The following DRC11 variants were observed in gnomAD, a reference collection of about 807,000 sequenced individuals.
DRC11 encodes the protein dynein regulatory complex subunit 11, also known as IQ and AAA domain-containing protein 1.
the DRC11 span, among the ~76,000 whole-genome samples, chr2:236,492,551 A>G: frequency 6.6e-6 from 1 of 152,246 alleles, no homozygotes; most frequent in Non-Finnish European, 1.5e-5. Context: ...CCTGGCCTGC[A>G]GTTGCAGCCT....
chr2:236,465,642 C>A, the DRC11 span: 1 of 1,613,806 alleles, frequency 6.2e-7, no homozygotes, highest in Non-Finnish European at 8.5e-7. This position sits in a 1 kb window ranked among gnomAD's most constrained non-coding sequence, Gnocchi z 6.2. Flanking sequence ...GCACCTCATT[C>A]CGCAGGCGGT....
the DRC11 span, among the ~76,000 whole-genome samples, chr2:236,366,782 C>T: frequency 6.8e-6 from 1 of 146,468 alleles, no homozygotes; most frequent in African/African-American, 2.7e-5. Flanking sequence ...TCCCTCCCTC[C>T]CTCTCCCTCT....
chr2:236,359,483 T>C, the DRC11 span, among the ~76,000 whole-genome samples: 28 of 152,314 alleles, frequency 1.8e-4, no homozygotes, highest in Non-Finnish European at 3.8e-4. The surrounding 1 kb of genome is among the most constrained non-coding windows in gnomAD (Gnocchi z 4.3). Flanking sequence ...AGCATTTCCC[T>C]GTAGTTGCAT....
At chr2:236,416,722 T>TATAC in the DRC11 span, among the ~76,000 whole-genome samples, 1 of 14,382 alleles carries the variant, frequency 7.0e-5, no homozygotes, top group Non-Finnish European at 1.5e-4. Context: ...TATATATATT[T>TATAC]ATATATATAT....
At chr2:236,454,341 C>A in the DRC11 span, among the ~76,000 whole-genome samples, 1 of 152,180 alleles carries the variant, frequency 6.6e-6, no homozygotes, top group Non-Finnish European at 1.5e-5. The surrounding 1 kb of genome is among the most constrained non-coding windows in gnomAD (Gnocchi z 5.3). Flanking sequence ...GTGCACCTGT[C>A]CCTAAGGCCT....
the DRC11 span, among the ~76,000 whole-genome samples, chr2:236,462,510 A>G: frequency 6.6e-6 from 1 of 152,142 alleles, no homozygotes; most frequent in Non-Finnish European, 1.5e-5. This position sits in a 1 kb window ranked among gnomAD's most constrained non-coding sequence, Gnocchi z 6.4. Context: ...TGTCTCTACT[A>G]AAAATATAAA....
At chr2:236,426,549 G>A in the DRC11 span, among the ~76,000 whole-genome samples, 3 of 151,932 alleles carry the variant, frequency 2.0e-5, no homozygotes, top group Admixed American at 6.6e-5. The surrounding 1 kb of genome is among the most constrained non-coding windows in gnomAD (Gnocchi z 4.1). Context: ...GGAGTCTCTG[G>A]GGTTTTCCTT....
chr2:236,475,720 T>C, the DRC11 span, among the ~76,000 whole-genome samples: 5 of 152,182 alleles, frequency 3.3e-5, no homozygotes, highest in African/African-American at 1.2e-4. The surrounding 1 kb of genome is among the most constrained non-coding windows in gnomAD (Gnocchi z 4.8). Context: ...GTCTTGTTGA[T>C]AATAATGTAC....
chr2:236,380,402 C>A, the DRC11 span, among the ~76,000 whole-genome samples: 1 of 152,220 alleles, frequency 6.6e-6, no homozygotes, highest in African/African-American at 2.4e-5. This position sits in a 1 kb window ranked among gnomAD's most constrained non-coding sequence, Gnocchi z 4.9. Flanking sequence ...GCCACCCAGG[C>A]ATCTTTCCAG....
At chr2:236,465,655 A>G in the DRC11 span, 1 of 1,613,794 alleles carries the variant, frequency 6.2e-7, no homozygotes, top group South Asian at 1.1e-5. The surrounding 1 kb of genome is among the most constrained non-coding windows in gnomAD (Gnocchi z 6.2). Context: ...CAGGCGGTCC[A>G]CCTTTTCAGC....
At chr2:236,366,450 CTG>C in the DRC11 span, among the ~76,000 whole-genome samples, 1 of 152,210 alleles carries the variant, frequency 6.6e-6, no homozygotes, top group African/African-American at 2.4e-5. Context: ...AAAAGCTTAA[CTG>C]TGCACACAAT....
chr2:236,403,742 A>G, the DRC11 span, among the ~76,000 whole-genome samples: 1 of 151,746 alleles, frequency 6.6e-6, no homozygotes, highest in African/African-American at 2.4e-5. Flanking sequence ...GAGCCTACCT[A>G]TTTACCTGTG....
the DRC11 span, among the ~76,000 whole-genome samples, chr2:236,331,036 A>C: frequency 6.6e-6 from 1 of 152,210 alleles, no homozygotes; most frequent in Non-Finnish European, 1.5e-5. The surrounding 1 kb of genome is among the most constrained non-coding windows in gnomAD (Gnocchi z 4.8). Flanking sequence ...TCTCTACGCA[A>C]AACTTATTCC....
the DRC11 span, among the ~76,000 whole-genome samples, chr2:236,428,840 TTAAC>T: frequency 6.6e-6 from 1 of 152,252 alleles, no homozygotes; most frequent in Admixed American, 6.5e-5. Context: ...CCTGATTTCA[TTAAC>T]TAGTTTATTT....
chr2:236,503,418 CA>C, the DRC11 span, among the ~76,000 whole-genome samples: 4 of 152,208 alleles, frequency 2.6e-5, no homozygotes, highest in African/African-American at 9.6e-5. The surrounding 1 kb of genome is among the most constrained non-coding windows in gnomAD (Gnocchi z 4.9). Flanking sequence ...GTCAGAGAAG[CA>C]GGACTTTTCC....
At chr2:236,400,574 A>G in the DRC11 span, among the ~76,000 whole-genome samples, 1 of 152,154 alleles carries the variant, frequency 6.6e-6, no homozygotes, top group Non-Finnish European at 1.5e-5. The surrounding 1 kb of genome is among the most constrained non-coding windows in gnomAD (Gnocchi z 7.9). Flanking sequence ...ACCCTTAGAG[A>G]GGGCGAAAGG....
chr2:236,375,671 T>C, the DRC11 span, among the ~76,000 whole-genome samples: 1 of 152,214 alleles, frequency 6.6e-6, no homozygotes, highest in Non-Finnish European at 1.5e-5. The surrounding 1 kb of genome is among the most constrained non-coding windows in gnomAD (Gnocchi z 4.2). Flanking sequence ...CAAAGGAGAA[T>C]GCCAGCCTTC....
At chr2:236,499,596 T>C in the DRC11 span, among the ~76,000 whole-genome samples, 26 of 152,262 alleles carry the variant, frequency 1.7e-4, no homozygotes, top group African/African-American at 5.5e-4. This position sits in a 1 kb window ranked among gnomAD's most constrained non-coding sequence, Gnocchi z 4.7. Flanking sequence ...CTCAGGCTAA[T>C]TTTTGTATTT....
chr2:236,323,856 C>A, the DRC11 span, among the ~76,000 whole-genome samples: 3 of 152,122 alleles, frequency 2.0e-5, no homozygotes, highest in Non-Finnish European at 4.4e-5. This position sits in a 1 kb window ranked among gnomAD's most constrained non-coding sequence, Gnocchi z 6.4. Context: ...ATTTAAATTT[C>A]TCTTTTGAGC....
Sources: gnomAD v4.1 joint callset for allele counts (sites outside exome capture counted in the v4.1 genomes callset) on GRCh38, gnomAD v4.1.1 for gene constraint, Gnocchi (gnomAD v3.1) non-coding constraint, MANE v1.5 for transcripts, NCBI Gene and HGNC (gene_info 2026-07-23, HGNC 2026-07-21) for gene names.